The following LMO7 variants were observed in gnomAD, a reference collection of about 807,000 sequenced individuals.
LMO7 encodes the protein LIM domain 7.
Under a neutral mutation model 206.5 loss-of-function variants are expected in LMO7, and 120 were observed. The observed-to-expected ratio is 0.58, with a 90% CI of 0.50 to 0.68. LMO7 has a LOEUF of 0.68. Among genes scored for constraint, LMO7 ranks in the 30% least tolerant of loss-of-function variants. The pLI is 0.00. For synonymous variants in LMO7, 706 were observed against 681.5 expected (o/e 1.04, Z -0.56); for missense variants, 1,959 against 1,957.9 (o/e 1.00, Z -0.01).
intron 2 of LMO7, among the ~76,000 whole-genome samples, chr13:75,716,894 C>T (rs973218171): frequency 7.2e-6 from 1 of 138,728 alleles, no homozygotes; most frequent in African/African-American, 2.7e-5. Flanking sequence ...TGAAAACACT[C>T]TTTTTTTTTT....
At chr13:75,671,804 C>T (rs1234316352) in intron 1 of LMO7, among the ~76,000 whole-genome samples, 1 of 152,060 alleles carries the variant, frequency 6.6e-6, no homozygotes, top group Non-Finnish European at 1.5e-5. Context: ...TATCTCAGGT[C>T]ATCTCTGGAG....
intron 4 of LMO7, among the ~76,000 whole-genome samples, chr13:75,776,124 T>TAC (rs1491546856): frequency 1.5e-5 from 1 of 67,042 alleles, no homozygotes. Context: ...CATACATACA[T>TAC]ACATATATAT....
At chr13:75,787,177 A>G (rs141059667) in intron 4 of LMO7, among the ~76,000 whole-genome samples, 1,601 of 152,362 alleles carry the variant, frequency 0.011, 26 homozygotes, top group South Asian at 0.067. Context: ...TAAATTCTGT[A>G]TTCAGTAGTC....
chr13:75,783,674 G>T (rs141865371), intron 4 of LMO7, among the ~76,000 whole-genome samples: 24 of 152,260 alleles, frequency 1.6e-4, no homozygotes, highest in African/African-American at 5.3e-4. Context: ...GAGCTTGAAT[G>T]AGTTTTTCTT....
intron 1 of LMO7, among the ~76,000 whole-genome samples, chr13:75,638,743 A>G (rs889457528): frequency 6.6e-6 from 1 of 152,156 alleles, no homozygotes; most frequent in Admixed American, 6.5e-5. Context: ...CTCTCTTGTC[A>G]GCTTTGCCTT....
intron 1 of LMO7, among the ~76,000 whole-genome samples, chr13:75,657,426 C>T (rs374187290): frequency 3.4e-4 from 51 of 152,204 alleles, no homozygotes; most frequent in African/African-American, 1.2e-3. Context: ...TGTGTGTATA[C>T]ATGTGTGTTT....
intron 1 of LMO7, among the ~76,000 whole-genome samples, chr13:75,711,188 G>C (rs900073561): frequency 6.6e-6 from 1 of 152,182 alleles, no homozygotes; most frequent in Non-Finnish European, 1.5e-5. Flanking sequence ...ATGTGCTGCT[G>C]GATTCGGTTT....
chr13:75,847,978 G>A (rs1279942730), intron 26 of LMO7, among the ~76,000 whole-genome samples: 1 of 133,230 alleles, frequency 7.5e-6, no homozygotes, highest in Non-Finnish European at 1.7e-5. Context: ...TTTATTTATT[G>A]AGGCTGCAAT....
rs2058942118 is a variant in LMO7 at position 75,834,364 on chromosome 13, A to T, written c.3203A>T (p.Asp1068Val). ...KAQETGHLVM[D>V]VRRYGKAGSP... ...CAAGAAACTGGACACCTAGTGATGG[A>T]TGTGAGGCGCTATGGAAAGGCTGGT... is the stretch of plus-strand genomic sequence containing the variant. Residue 1068 changes from aspartate to valine, a missense_variant, in exon 17 of 31, where the codon GAT becomes GTT. Physicochemically the swap from Asp to Val is radical, Grantham distance 152. Transcript: ENST00000377534. The T allele has an allele frequency of 6.2e-7, 1 of 1,602,856 alleles. No individual in the cohort carries two copies. The highest frequency in any genetic ancestry group is 8.5e-7 in the Non-Finnish European group (1 of 1,174,914).
chr13:75,688,048 G>A (rs368680582), intron 1 of LMO7, among the ~76,000 whole-genome samples: 14 of 152,194 alleles, frequency 9.2e-5, no homozygotes, highest in South Asian at 2.1e-4. Context: ...CTTGCCTGCC[G>A]CCACGTAAGA....
Position 75,856,506 on chromosome 13 carries a change from T to A in LMO7, c.4771T>A (p.Cys1591Ser), listed in dbSNP as rs747612209. 6.3e-7 allele frequency: 1 copy of A among 1,592,562 alleles called. No individual in the cohort carries two copies. The highest frequency in any genetic ancestry group is 8.6e-7 in the Non-Finnish European group (1 of 1,161,444). Residue 1591 changes from cysteine (C) to serine (S), a missense_variant and splice_region_variant, in exon 30 of 31, where the codon TGT (cysteine) becomes AGT (serine). Transcript: ENST00000377534. Reference protein sequence around the residue: ...GLCYHLHCFKCVACECDLGGS... With the variant: ...GLCYHLHCFKSVACECDLGGS... Reference sequence around the variant, plus strand: ...ATGTTCTTTTTTTTTTGTTCCCCAGTGTGTTGCCTGTGAGTGTGACCTCGG... The same window carrying A: ...ATGTTCTTTTTTTTTTGTTCCCCAGAGTGTTGCCTGTGAGTGTGACCTCGG...
At position 75,831,163 on chromosome 13, in the gene LMO7, A is replaced by G. The variant is rs148096175; in HGVS notation, c.2950-1888A>G. Among the ~76,000 whole-genome samples, 391 of 152,318 alleles carry G rather than the reference A, an allele frequency of 2.6e-3. 5 individuals are homozygous for G. Among genetic ancestry groups the G allele is most frequent in the African/African-American group, 9.0e-3 (375 of 41,580 alleles). On this transcript the variant is annotated intron_variant, in intron 15 of 30. Transcript: ENST00000377534. ...GATTGGCATTCATCAGGTGATTATTAACGAGTGTTATGACTACATCTGCAT... is the reference window on the plus strand; with the variant it reads ...GATTGGCATTCATCAGGTGATTATTGACGAGTGTTATGACTACATCTGCAT...
At chr13:75,622,970 T>C (rs1170144927) in intron 1 of LMO7, among the ~76,000 whole-genome samples, 1 of 152,202 alleles carries the variant, frequency 6.6e-6, no homozygotes, top group African/African-American at 2.4e-5. Context: ...AAAGACTAAT[T>C]TGATATTGCA....
chr13:75,753,681 C>T (rs2047453583), intron 3 of LMO7, among the ~76,000 whole-genome samples: 1 of 152,098 alleles, frequency 6.6e-6, no homozygotes, highest in South Asian at 2.1e-4. Context: ...CCCTTTTGCT[C>T]AGCACTTCTC....
chr13:75,828,712 T>C (rs2058360034), intron 15 of LMO7, among the ~76,000 whole-genome samples: 1 of 152,070 alleles, frequency 6.6e-6, no homozygotes, highest in East Asian at 1.9e-4. Context: ...ATGAACAAAA[T>C]AAGGGCTGGA....
chr13:75,752,746 T>C (rs2047373314), intron 3 of LMO7, among the ~76,000 whole-genome samples: 1 of 152,228 alleles, frequency 6.6e-6, no homozygotes, highest in African/African-American at 2.4e-5. Flanking sequence ...CCATTTGTAT[T>C]AGTGCAAAAG....
chr13:75,734,101 G>A (rs1216010021), intron 3 of LMO7, among the ~76,000 whole-genome samples: 3 of 152,196 alleles, frequency 2.0e-5, no homozygotes, highest in African/African-American at 7.2e-5. Flanking sequence ...GTGTGAGGTT[G>A]CACAAGTCTC....
At chr13:75,692,554 CTTT>C (rs2139647090) in intron 1 of LMO7, among the ~76,000 whole-genome samples, 1 of 152,094 alleles carries the variant, frequency 6.6e-6, no homozygotes, top group East Asian at 1.9e-4. Context: ...CCTGGCTCAT[CTTT>C]TTAATTTTTT....
At chr13:75,735,140 T>C (rs1221467162) in intron 3 of LMO7, among the ~76,000 whole-genome samples, 2 of 148,404 alleles carry the variant, frequency 1.3e-5, no homozygotes, top group African/African-American at 5.0e-5. Context: ...TGTGTGTGTG[T>C]GTATGTATGT....
Sources: allele counts gnomAD v4.1 joint callset (sites outside exome capture counted in the v4.1 genomes callset), GRCh38; gene constraint gnomAD v4.1.1; transcripts MANE v1.5; gene names NCBI Gene and HGNC (gene_info 2026-07-23, HGNC 2026-07-21).